The following NR1I2 variants were observed in gnomAD, a reference collection of about 807,000 sequenced individuals.
The protein encoded by NR1I2 is nuclear receptor subfamily 1 group I member 2.
NR1I2 carries 42 observed loss-of-function variants against 43.3 expected under a neutral mutation model. That is an observed-to-expected ratio of 0.97 (90% CI 0.76 to 1.26). NR1I2 has a LOEUF of 1.26. NR1I2 is among the 50% of genes most tolerant of loss of function. The pLI is 0.00. For synonymous variants in NR1I2, 229 were observed against 215.0 expected (o/e 1.06, Z -0.57); for missense variants, 559 against 566.7 (o/e 0.99, Z 0.14).
rs749065530 is a variant in NR1I2 at position 119,810,151 on chromosome 3, C to G, written c.288C>G (p.Ala96=). Reference sequence around the variant, plus strand: ...GGAAGACCCGGCGACAGTGCCAGGCCTGCCGCCTGCGCAAGTGCCTGGAGA... The same window carrying G: ...GGAAGACCCGGCGACAGTGCCAGGCGTGCCGCCTGCGCAAGTGCCTGGAGA... Residue 96 remains alanine, a synonymous_variant, in exon 3 of 9, where the codon GCC becomes GCG. Coordinates refer to ENST00000393716, the MANE Select transcript of NR1I2 (RefSeq NM_003889.4). The G allele has an allele frequency of 9.9e-6, 16 of 1,612,732 alleles. No homozygotes were observed. Among genetic ancestry groups the G allele is most frequent in the Admixed American group, 8.3e-5 (5 of 59,936 alleles).
intron 1 of NR1I2, chr3:119,782,650 C>A: frequency 1.2e-6 from 1 of 807,478 alleles, no homozygotes; most frequent in Non-Finnish European, 2.1e-6. Context: ...ATACCACCTC[C>A]AAGGACTGTG....
rs371242553 is a variant in NR1I2, at chr3:119,815,128, G to T, written c.937+7G>T. ...TGCTTGGAAGACACTGCAGGTGCCC[G>T]AGAGAGCCTGCCTGCCCTGGCAGAG... On this transcript the variant is annotated splice_region_variant and intron_variant, in intron 6 of 8. Transcript: ENST00000393716. 2.5e-6 allele frequency: 4 copies of T among 1,614,144 alleles called. No homozygotes were observed. Among genetic ancestry groups the T allele is most frequent in the Non-Finnish European group, 2.5e-6 (3 of 1,180,026 alleles).
intron 2 of NR1I2, among the ~76,000 whole-genome samples, chr3:119,808,003 C>T (rs2055185603): frequency 1.3e-5 from 2 of 152,156 alleles, no homozygotes; most frequent in South Asian, 2.1e-4. Context: ...CAGAGTTCTT[C>T]GTGGTGGCTG....
At chr3:119,812,619 G>T in intron 4 of NR1I2, 67 bp from the exon 5 acceptor site, 1 of 1,597,370 alleles carries the variant, frequency 6.3e-7, no homozygotes, top group South Asian at 1.1e-5. Context: ...GCTGGGGCCT[G>T]AGTTGGGACC....
intron 1 of NR1I2, among the ~76,000 whole-genome samples, chr3:119,797,904 AT>A (rs1423295289): frequency 6.6e-6 from 1 of 152,244 alleles, no homozygotes; most frequent in Non-Finnish European, 1.5e-5. Flanking sequence ...CAATAAAGAT[AT>A]TAACCATTGT....
intron 3 of NR1I2, 152 bp from the exon 4 acceptor site, chr3:119,811,387 T>G: frequency 1.4e-6 from 1 of 724,246 alleles, no homozygotes. Context: ...ACAGGCCTCT[T>G]GAGTCCAGAC....
chr3:119,792,170 T>C, intron 1 of NR1I2: 1 of 960,812 alleles, frequency 1.0e-6, no homozygotes, highest in South Asian at 1.3e-5. Flanking sequence ...ATGATGAGCG[T>C]GTGCTGCCAT....
intron 1 of NR1I2, among the ~76,000 whole-genome samples, chr3:119,796,409 T>C (rs2107956306): frequency 1.3e-5 from 2 of 152,206 alleles, no homozygotes; most frequent in East Asian, 3.8e-4. Flanking sequence ...TTGGTCATGT[T>C]CCACCCAGCA....
intron 1 of NR1I2, among the ~76,000 whole-genome samples, chr3:119,803,227 G>T (rs1244276209): frequency 6.6e-6 from 1 of 151,998 alleles, no homozygotes; most frequent in Non-Finnish European, 1.5e-5. Flanking sequence ...GTCCCAGGAG[G>T]CTGAGTTGGA....
intron 1 of NR1I2, chr3:119,791,827 G>A (rs1204434955): frequency 1.9e-6 from 1 of 526,274 alleles, no homozygotes; most frequent in Non-Finnish European, 3.7e-6. Flanking sequence ...AAACATAGCT[G>A]CCAAGTGTTT....
intron 1 of NR1I2, among the ~76,000 whole-genome samples, chr3:119,787,661 G>GTA (rs902400234): frequency 3.8e-4 from 1 of 2,614 alleles, no homozygotes; most frequent in Admixed American, 3.3e-3. Flanking sequence ...ATTAATATGT[G>GTA]TGTGTGTGTG....
chr3:119,796,720 G>C (rs2055004866), intron 1 of NR1I2, among the ~76,000 whole-genome samples: 1 of 152,166 alleles, frequency 6.6e-6, no homozygotes, highest in Admixed American at 6.5e-5. Context: ...GCTCCCCCTG[G>C]CCCAGCCTCA....
At chr3:119,802,591 A>G (rs1278463262) in intron 1 of NR1I2, among the ~76,000 whole-genome samples, 1 of 152,188 alleles carries the variant, frequency 6.6e-6, no homozygotes, top group Non-Finnish European at 1.5e-5. Flanking sequence ...GCTATCCCTC[A>G]TGGCTCCTGA....
chr3:119,790,404 G>A (rs1012564349), intron 1 of NR1I2, among the ~76,000 whole-genome samples: 8 of 152,232 alleles, frequency 5.3e-5, no homozygotes, highest in African/African-American at 1.7e-4. Flanking sequence ...CCCGATTTCA[G>A]TTCTTTTTGG....
At chr3:119,785,732 GA>G (rs1287268781) in intron 1 of NR1I2, among the ~76,000 whole-genome samples, 6 of 152,122 alleles carry the variant, frequency 3.9e-5, no homozygotes, top group African/African-American at 1.4e-4. Context: ...GGCCTCTTGA[GA>G]CTTCCTTTAC....
At chr3:119,792,574 T>C in intron 1 of NR1I2, 1 of 783,292 alleles carries the variant, frequency 1.3e-6, no homozygotes, top group East Asian at 2.7e-5. Flanking sequence ...TGCCTGCACC[T>C]CCATGGGCCA....
Position 119,796,426 on chromosome 3 carries a change from A to G in NR1I2, c.-22-10803A>G, listed in dbSNP as rs150759972. Among the ~76,000 whole-genome samples the G allele has an allele frequency of 3.4e-4, 51 of 152,230 alleles. No individual in the cohort carries two copies. The East Asian group carries it at 9.1e-3, about 27-fold the overall frequency. ...GGTCATGTTCCACCCAGCAGGTTCT[A>G]TCTAGTTCTAATCCTCAATGCTGCT... On this transcript the variant is annotated intron_variant, in intron 1 of 8. Transcript: ENST00000393716.
chr3:119,806,622 A>G (rs761845045), intron 1 of NR1I2, among the ~76,000 whole-genome samples: 2 of 151,902 alleles, frequency 1.3e-5, no homozygotes, highest in Non-Finnish European at 1.5e-5. Context: ...TTCAATATTC[A>G]CTGAGACCCC....
chr3:119,784,026 C>G (rs1012805025), intron 1 of NR1I2, among the ~76,000 whole-genome samples: 1 of 152,202 alleles, frequency 6.6e-6, no homozygotes, highest in Non-Finnish European at 1.5e-5. Flanking sequence ...CAATGAACCT[C>G]ACTGTGTTTG....
Sources: gnomAD v4.1 joint callset for allele counts (sites outside exome capture counted in the v4.1 genomes callset) on GRCh38, gnomAD v4.1.1 for gene constraint, MANE v1.5 for transcripts, NCBI Gene and HGNC (gene_info 2026-07-23, HGNC 2026-07-21) for gene names.